Variants in IFT81 observed in about 807,000 individuals in gnomAD.
IFT81 encodes the protein intraflagellar transport protein 81 homolog.
Under a neutral mutation model 102.6 loss-of-function variants are expected in IFT81, and 72 were observed. The observed-to-expected ratio is 0.70, with a 90% CI of 0.58 to 0.85. The LOEUF is 0.85. IFT81 is among the 40% of genes least tolerant of loss of function. The pLI, the probability that IFT81 is intolerant of heterozygous loss-of-function variation, is 0.00. For missense variants in IFT81, 723 were observed against 787.3 expected (o/e 0.92, Z 0.98); for synonymous variants, 237 against 242.7 (o/e 0.98, Z 0.22).
At position 110,218,567 on chromosome 12, in the gene IFT81, T is replaced by C. The variant is rs1870435752; in HGVS notation, c.*341T>C. On this transcript the variant is annotated 3_prime_UTR_variant, in exon 19 of 19. Coordinates refer to ENST00000242591, the MANE Select transcript of IFT81 (RefSeq NM_014055.4). ...GTAATAACCCAGTGGCTTACTGTTT[T>C]TCTTAATCTCTTTTAAAAAAACTTT... 1 of 166,624 alleles carries C rather than the reference T, an allele frequency of 6.0e-6. No homozygotes were observed. Among genetic ancestry groups the C allele is most frequent in the Non-Finnish European group, 1.3e-5 (1 of 77,938 alleles). 10.3% of individuals were successfully genotyped at this position (166,624 alleles called of 1,614,324 possible).
At chr12:110,152,761 C>G (rs944131328) in intron 10 of IFT81, among the ~76,000 whole-genome samples, 1 of 152,058 alleles carries the variant, frequency 6.6e-6, no homozygotes, top group African/African-American at 2.4e-5. Context: ...TGCCACTGCA[C>G]CTGGCTAATT....
At chr12:110,182,458 G>A (rs955877432) in intron 12 of IFT81, among the ~76,000 whole-genome samples, 3 of 152,132 alleles carry the variant, frequency 2.0e-5, no homozygotes, top group Non-Finnish European at 2.9e-5. Context: ...TACTTGGTGG[G>A]ATGACCCAGT....
chr12:110,195,465 G>T (rs2137558227), intron 14 of IFT81, among the ~76,000 whole-genome samples: 1 of 152,110 alleles, frequency 6.6e-6, no homozygotes, highest in African/African-American at 2.4e-5. Flanking sequence ...AGCTTTAAAT[G>T]ATATTCTTTG....
intron 9 of IFT81, among the ~76,000 whole-genome samples, chr12:110,145,593 T>C (rs1306350449): frequency 6.6e-6 from 1 of 151,146 alleles, no homozygotes; most frequent in Admixed American, 6.6e-5. Context: ...CCTGCCACCA[T>C]GCCCAGCTAA....
chr12:110,134,927 G>A (rs1487640281), intron 5 of IFT81, 21 bp from the exon 6 acceptor site: 5 of 1,588,060 alleles, frequency 3.1e-6, no homozygotes, highest in Non-Finnish European at 3.4e-6. Flanking sequence ...TTCTTATAAG[G>A]TCTTCTTTGC....
In IFT81 at chr12:110,193,581, A is replaced by G. The variant is rs75635932; in HGVS notation, c.1557+875A>G. Among the ~76,000 whole-genome samples the G allele has an allele frequency of 2.4e-3, 361 of 152,332 alleles. 2 individuals are homozygous for G. The highest frequency in any genetic ancestry group is 8.3e-3 in the African/African-American group (347 of 41,564). ...GATCAGACAGCCTCCACCATTTGAC[A>G]TTCACTGTTCTCTATTTTTAATACT... is the stretch of plus-strand genomic sequence containing the variant. On this transcript the variant is annotated intron_variant, in intron 14 of 18. Transcript: ENST00000242591.
chr12:110,200,564 C>T (rs900278148), intron 14 of IFT81, among the ~76,000 whole-genome samples: 1 of 152,116 alleles, frequency 6.6e-6, no homozygotes, highest in African/African-American at 2.4e-5. Flanking sequence ...CATTACTGTA[C>T]ACTATGATAG....
chr12:110,209,945 C>T (rs944369081), intron 18 of IFT81, among the ~76,000 whole-genome samples: 9 of 152,112 alleles, frequency 5.9e-5, no homozygotes, highest in African/African-American at 2.2e-4. Context: ...TCAGCTCCCT[C>T]CTGCCAGAGT....
intron 12 of IFT81, among the ~76,000 whole-genome samples, chr12:110,186,384 G>T (rs936465840): frequency 6.6e-6 from 1 of 151,988 alleles, no homozygotes; most frequent in Non-Finnish European, 1.5e-5. Flanking sequence ...TATTCACCTG[G>T]CTTAAGGTCT....
chr12:110,209,494 C>T (rs879762285), intron 18 of IFT81, among the ~76,000 whole-genome samples: 3 of 152,124 alleles, frequency 2.0e-5, no homozygotes, highest in Admixed American at 1.3e-4. Flanking sequence ...TCAGGCTGGG[C>T]GCGGTGGCTC....
intron 8 of IFT81, among the ~76,000 whole-genome samples, chr12:110,139,849 A>AAATAAAATAAATAAAATAAAAT (rs1338081140): frequency 6.3e-5 from 8 of 126,052 alleles, no homozygotes; most frequent in African/African-American, 2.6e-4. Context: ...AAATAAAATA[A>AAATAAAATAAATAAAATAAAAT]ATAAAATAAA....
intron 8 of IFT81, among the ~76,000 whole-genome samples, chr12:110,138,499 C>T (rs1894648397): frequency 6.7e-6 from 1 of 150,108 alleles, no homozygotes; most frequent in East Asian, 2.0e-4. Flanking sequence ...GTGGTGCAAT[C>T]TTAGCTCACC....
At chr12:110,152,442 A>G (rs2137396608) in intron 10 of IFT81, among the ~76,000 whole-genome samples, 1 of 152,224 alleles carries the variant, frequency 6.6e-6, no homozygotes, top group East Asian at 1.9e-4. Context: ...GGCCATTTGT[A>G]TGTCTTTAAT....
At chr12:110,198,734 T>G (rs147517442) in intron 14 of IFT81, among the ~76,000 whole-genome samples, 2 of 152,318 alleles carry the variant, frequency 1.3e-5, no homozygotes, top group African/African-American at 4.8e-5. Context: ...TAATATTGTT[T>G]ATTTCATCCA....
chr12:110,152,522 C>T (rs553022580), intron 10 of IFT81, among the ~76,000 whole-genome samples: 4 of 151,768 alleles, frequency 2.6e-5, no homozygotes, highest in Admixed American at 1.3e-4. Context: ...GAGTTGAGTT[C>T]CTTATATATT....
intron 10 of IFT81, among the ~76,000 whole-genome samples, chr12:110,158,846 C>G (rs981640268): frequency 5.9e-5 from 9 of 152,168 alleles, no homozygotes; most frequent in African/African-American, 2.2e-4. Flanking sequence ...CCTCAGCCTC[C>G]CAAAGTGCTG....
intron 10 of IFT81, chr12:110,162,305 T>G (rs1473616376): frequency 1.3e-5 from 2 of 151,604 alleles, no homozygotes; most frequent in Non-Finnish European, 2.9e-5. Context: ...CATTTGAGTG[T>G]TATTTGAGAA....
intron 14 of IFT81, among the ~76,000 whole-genome samples, chr12:110,200,592 C>A (rs117497233): frequency 6.6e-6 from 1 of 152,100 alleles, no homozygotes; most frequent in Non-Finnish European, 1.5e-5. Flanking sequence ...AAACAGTGTA[C>A]ACTTAGGCTA....
At chr12:110,183,238 A>G (rs1897383781) in intron 12 of IFT81, among the ~76,000 whole-genome samples, 1 of 152,184 alleles carries the variant, frequency 6.6e-6, no homozygotes, top group African/African-American at 2.4e-5. Flanking sequence ...CTGAAGTACA[A>G]TGGGCAAGAA....
Sources: allele counts gnomAD v4.1 joint callset (sites outside exome capture counted in the v4.1 genomes callset), GRCh38; gene constraint gnomAD v4.1.1; transcripts MANE v1.5; gene names NCBI Gene and HGNC (gene_info 2026-07-23, HGNC 2026-07-21).